The following DLGAP2 variants were observed in gnomAD, a reference collection of about 807,000 sequenced individuals.
DLGAP2 encodes disks large-associated protein 2.
DLGAP2 carries 26 observed loss-of-function variants against 100.3 expected under a neutral mutation model. The ratio of observed to expected loss-of-function variants is 0.26; its 90% confidence interval spans 0.19 to 0.36. The LOEUF (loss-of-function observed/expected upper bound fraction) is 0.36, where lower values mean the gene tolerates loss of function less well. Among genes scored for constraint, DLGAP2 ranks in the 10% least tolerant of loss-of-function variants. The pLI, the probability that DLGAP2 is intolerant of heterozygous loss-of-function variation, is 1.00. For missense variants in DLGAP2, 1,858 were observed against 1,453.2 expected (o/e 1.28, Z -4.53); for synonymous variants, 886 against 630.1 (o/e 1.41, Z -6.08).
At chr8:1,425,613 C>T (rs1220468816) in intron 3 of DLGAP2, among the ~76,000 whole-genome samples, 1 of 152,218 alleles carries the variant, frequency 6.6e-6, no homozygotes, top group Non-Finnish European at 1.5e-5. Context: ...AGCCTGGGCG[C>T]ATGATCCACA....
intron 2 of DLGAP2, among the ~76,000 whole-genome samples, chr8:1,027,148 G>A (rs955250476): frequency 2.6e-5 from 4 of 152,114 alleles, no homozygotes; most frequent in Admixed American, 6.5e-5. Flanking sequence ...ATAAACACAA[G>A]ATGGGAAATG....
chr8:1,199,942 C>T (rs1242290095), intron 2 of DLGAP2, among the ~76,000 whole-genome samples: 1 of 152,018 alleles, frequency 6.6e-6, no homozygotes, highest in African/African-American at 2.4e-5. Context: ...AGGATTCCCC[C>T]CCACAACCCC....
intron 2 of DLGAP2, among the ~76,000 whole-genome samples, chr8:960,233 A>ATTTTTTTTT (rs1228650565): frequency 6.0e-4 from 5 of 8,300 alleles, no homozygotes; most frequent in African/African-American, 2.0e-3. Context: ...TTCCTGAAGT[A>ATTTTTTTTT]TATCTTTTTT....
intron 3 of DLGAP2, among the ~76,000 whole-genome samples, chr8:1,277,184 T>G (rs1037777425): frequency 6.6e-5 from 10 of 152,336 alleles, no homozygotes; most frequent in African/African-American, 2.4e-4. Context: ...TCATTCAAAG[T>G]GTGGCTATTT....
chr8:1,039,283 C>A (rs1345959142), intron 2 of DLGAP2, among the ~76,000 whole-genome samples: 1 of 148,140 alleles, frequency 6.8e-6, no homozygotes, highest in Non-Finnish European at 1.5e-5. Flanking sequence ...GCTCGGTTTC[C>A]ATGGTCGGCT....
intron 3 of DLGAP2, among the ~76,000 whole-genome samples, chr8:1,359,710 TA>T (rs1801935527): frequency 6.6e-6 from 1 of 152,224 alleles, no homozygotes; most frequent in South Asian, 2.1e-4. Context: ...TCAGCTCTTA[TA>T]AAACCCGCGC....
chr8:1,300,259 A>G (rs1563069710), intron 3 of DLGAP2: 1 of 151,182 alleles, frequency 6.6e-6, no homozygotes, highest in Non-Finnish European at 1.5e-5. Flanking sequence ...GCACTCACAT[A>G]TATATATACA....
chr8:1,029,624 G>A (rs555545524), intron 2 of DLGAP2, among the ~76,000 whole-genome samples: 60 of 131,294 alleles, frequency 4.6e-4, no homozygotes, highest in African/African-American at 1.9e-3. Flanking sequence ...GGATGGCCTA[G>A]GGTGTCCAGC....
chr8:975,280 C>T (rs542078428), intron 2 of DLGAP2, among the ~76,000 whole-genome samples: 166 of 152,158 alleles, frequency 1.1e-3, no homozygotes, highest in African/African-American at 3.5e-3. Flanking sequence ...GCACCAAGCC[C>T]GCATGGGTTC....
At chr8:1,226,577 T>C (rs1410539075) in intron 2 of DLGAP2, among the ~76,000 whole-genome samples, 1 of 152,132 alleles carries the variant, frequency 6.6e-6, no homozygotes, top group Admixed American at 6.5e-5. Context: ...CATTTCCCTA[T>C]GTAACAAACC....
At chr8:787,247 G>T (rs576010197) in intron 1 of DLGAP2, among the ~76,000 whole-genome samples, 1 of 152,046 alleles carries the variant, frequency 6.6e-6, no homozygotes, top group Non-Finnish European at 1.5e-5. Context: ...GTGTTCGAAC[G>T]TTAGTAACTA....
chr8:1,216,335 A>C (rs1443101523), intron 2 of DLGAP2, among the ~76,000 whole-genome samples: 1 of 151,864 alleles, frequency 6.6e-6, no homozygotes, highest in Non-Finnish European at 1.5e-5. Context: ...TACTTCAGGG[A>C]CTCAGGCTCT....
At chr8:926,367 G>GCCTT (rs1798815878) in intron 2 of DLGAP2, among the ~76,000 whole-genome samples, 1 of 152,166 alleles carries the variant, frequency 6.6e-6, no homozygotes, top group African/African-American at 2.4e-5. Flanking sequence ...ACACCTCCTG[G>GCCTT]CCTTCCCAGT....
chr8:1,029,186 C>G (rs1801902627), intron 2 of DLGAP2, among the ~76,000 whole-genome samples: 1 of 152,130 alleles, frequency 6.6e-6, no homozygotes, highest in African/African-American at 2.4e-5. Flanking sequence ...AGCGGGAGGG[C>G]TCTGTAGAAA....
chr8:1,669,021 C>T (rs1450774548), intron 9 of DLGAP2, among the ~76,000 whole-genome samples: 1 of 152,194 alleles, frequency 6.6e-6, no homozygotes, highest in African/African-American at 2.4e-5. Flanking sequence ...TGTTTTGATG[C>T]TTTAAAGGGG....
rs545597050 is a variant in DLGAP2, at chr8:755,835, C to T, written c.18+18010C>T. 7.2e-4 allele frequency among the ~76,000 whole-genome samples: 109 copies of T among 152,326 alleles called. 1 individual carries two copies. Among genetic ancestry groups the T allele is most frequent in the African/African-American group, 2.5e-3 (105 of 41,562 alleles). On this transcript the variant is annotated intron_variant, in intron 1 of 14. Transcript: ENST00000637795. Reference sequence around the variant, plus strand: ...GGGTGTTGGCTGGGAAGCCAGGATTCTGAATTTGTCAATTGACTGTCAGGG... The same window carrying T: ...GGGTGTTGGCTGGGAAGCCAGGATTTTGAATTTGTCAATTGACTGTCAGGG...
chr8:1,676,257 G>A (rs1798808621), intron 10 of DLGAP2, among the ~76,000 whole-genome samples: 1 of 152,084 alleles, frequency 6.6e-6, no homozygotes, highest in Non-Finnish European at 1.5e-5. Context: ...TTTTTTGCCT[G>A]AGCTGAACTA....
At position 971,967 on chromosome 8, in the gene DLGAP2, C is replaced by A. The variant is rs77837896; in HGVS notation, c.73+64001C>A. Among the ~76,000 whole-genome samples the A allele has an allele frequency of 3.5e-3, 527 of 152,234 alleles. 30 individuals are homozygous for A. The East Asian group carries it at 0.094, about 27-fold the overall frequency. Reference sequence around the variant, plus strand: ...GTTCGGTGGCTCTTTTCCTTCAACACCTTTCCACCACATCAGTAGGGCTCC... The same window carrying A: ...GTTCGGTGGCTCTTTTCCTTCAACAACTTTCCACCACATCAGTAGGGCTCC... On this transcript the variant is annotated intron_variant, in intron 2 of 14. Coordinates refer to ENST00000637795, the MANE Select transcript of DLGAP2 (RefSeq NM_001346810.2).
chr8:1,613,923 T>C lies in DLGAP2; in HGVS notation c.1443-12817T>C, dbSNP rs186317437. 1.5e-3 allele frequency among the ~76,000 whole-genome samples: 235 copies of C among 152,364 alleles called. 2 individuals are homozygous for C. The highest frequency in any genetic ancestry group is 5.2e-3 in the South Asian group (25 of 4,828). On this transcript the variant is annotated intron_variant, in intron 6 of 14. Coordinates refer to ENST00000637795, the MANE Select transcript of DLGAP2 (RefSeq NM_001346810.2). ...GTTGAATGCCAAAGGACTAAATTGCTACCTTCCATTCTAGCTCTATCAACT... is the reference window on the plus strand; with the variant it reads ...GTTGAATGCCAAAGGACTAAATTGCCACCTTCCATTCTAGCTCTATCAACT...
Sources: gnomAD v4.1 joint callset for allele counts (sites outside exome capture counted in the v4.1 genomes callset) on GRCh38, gnomAD v4.1.1 for gene constraint, MANE v1.5 for transcripts, NCBI Gene and HGNC (gene_info 2026-07-23, HGNC 2026-07-21) for gene names.